TUBA3C: variants seen among roughly 807,000 people sequenced by gnomAD.
The protein encoded by TUBA3C is tubulin alpha 3c.
In TUBA3C, 23 loss-of-function variants were observed where a neutral mutation model predicts 33.4. The ratio of observed to expected loss-of-function variants is 0.69; its 90% CI spans 0.50 to 0.98. The LOEUF (loss-of-function observed/expected upper bound fraction) is 0.98, where lower values mean the gene tolerates loss of function less well. Among genes scored for constraint, TUBA3C ranks in the 50% least tolerant of loss-of-function variants. The probability of loss-of-function intolerance (pLI) is 0.00; values close to 1 mark genes in which losing one functional copy is unlikely to be tolerated. For missense variants in TUBA3C, 402 were observed against 616.0 expected (o/e 0.65, Z 3.68); for synonymous variants, 269 against 250.4 (o/e 1.07, Z -0.70).
rs1354838240 is a variant in TUBA3C at position 19,179,563 on chromosome 13, G to A, written c.4C>T (p.Arg2Cys). 3.7e-6 allele frequency: 6 copies of A among 1,613,520 alleles called. No homozygotes were observed. The highest frequency in any genetic ancestry group is 3.3e-5 in the Admixed American group (2 of 60,006). Reference sequence around the variant, plus strand: ...CCCACGTGGATAGAGATACACTCACGCTGTGAACCAGAACATAAATGTAGA... The same window carrying A: ...CCCACGTGGATAGAGATACACTCACACTGTGAACCAGAACATAAATGTAGA... MRECISIHVGQA... is the reference protein window; with the variant it reads MCECISIHVGQA... The change falls in exon 2 of 5, where the codon CGT (arginine) becomes TGT (cysteine). Residue 2 changes from arginine to cysteine, a missense_variant and splice_region_variant. By Grantham distance (180) the Arg-to-Cys change is radical. Coordinates refer to ENST00000400113, the MANE Select transcript of TUBA3C (RefSeq NM_006001.3).
chr13:19,179,949 G>A (rs1869344148), intron 1 of TUBA3C, among the ~76,000 whole-genome samples: 1 of 152,158 alleles, frequency 6.6e-6, no homozygotes, highest in South Asian at 2.1e-4. Flanking sequence ...GGTTGGGTAA[G>A]GAAATAGAGA....
At chr13:19,176,018 T>C (rs1338485972) in intron 4 of TUBA3C, among the ~76,000 whole-genome samples, 1 of 152,206 alleles carries the variant, frequency 6.6e-6, no homozygotes, top group Admixed American at 6.5e-5. Flanking sequence ...TGCTGGATTA[T>C]AGGCATGGGC....
chr13:19,181,808 T>C lies in TUBA3C; in HGVS notation c.-61A>G. 6.3e-7 allele frequency: 1 copy of C among 1,592,628 alleles called. No individual in the cohort carries two copies. On this transcript the variant is annotated 5_prime_UTR_variant, in exon 1 of 5. Transcript: ENST00000400113. Reference sequence around the variant, plus strand: ...ACTTGACCTCAACCGCCGCTGCAGCTGCGCACGCCCAACGACAGCCTCCCG... The same window carrying C: ...ACTTGACCTCAACCGCCGCTGCAGCCGCGCACGCCCAACGACAGCCTCCCG...
intron 1 of TUBA3C, among the ~76,000 whole-genome samples, chr13:19,181,279 G>A (rs1869406050): frequency 6.6e-6 from 1 of 152,002 alleles, no homozygotes; most frequent in Non-Finnish European, 1.5e-5. Context: ...AGGAGCCCCT[G>A]ACCTCAGGGG....
chr13:19,175,124 C>T (rs933170598), intron 4 of TUBA3C, among the ~76,000 whole-genome samples: 1 of 151,948 alleles, frequency 6.6e-6, no homozygotes, highest in Non-Finnish European at 1.5e-5. Context: ...TGGTGGCGGG[C>T]GCCTGTAGTC....
At chr13:19,178,436 T>C in intron 2 of TUBA3C, 42 bp from the exon 3 acceptor site, 2 of 1,608,208 alleles carry the variant, frequency 1.2e-6, no homozygotes, top group South Asian at 2.2e-5. Context: ...TTAAGGCCTA[T>C]ACTCACCAAG....
intron 1 of TUBA3C, among the ~76,000 whole-genome samples, chr13:19,179,786 C>T (rs569304977): frequency 9.9e-5 from 15 of 152,106 alleles, no homozygotes; most frequent in Non-Finnish European, 1.6e-4. Context: ...GCCCTAGAAC[C>T]TAATGTTTGC....
Position 19,181,823 on chromosome 13 carries a change from A to G in TUBA3C, c.-76T>C, listed in dbSNP as rs907299989. 22 of 1,580,342 alleles carry G rather than the reference A, an allele frequency of 1.4e-5. No homozygotes were observed. The East Asian group carries it at 4.7e-4, about 34-fold the overall frequency. The stretch of plus-strand genomic sequence containing the variant: ...CCGCTGCAGCTGCGCACGCCCAACG[A>G]CAGCCTCCCGCCGTGCGCTGTCTGG... On this transcript the variant is annotated 5_prime_UTR_variant, in exon 1 of 5. Coordinates refer to ENST00000400113, the MANE Select transcript of TUBA3C (RefSeq NM_006001.3).
chr13:19,174,130 C>CA lies in TUBA3C; in HGVS notation c.1085dup (p.Val363GlyfsTer32). ...CCTTGGCCAGGTCTCCCCCAGGGAC[C>CA]ACCGTGGGGGGCTGGTAGTTAATGC... On this transcript the variant is annotated frameshift_variant, in exon 5 of 5. Transcript: ENST00000400113. LOFTEE classifies it high-confidence loss of function. 1.2e-6 allele frequency: 2 copies of CA among 1,613,342 alleles called. No homozygotes were observed. Among genetic ancestry groups the CA allele is most frequent in the South Asian group, 2.2e-5 (2 of 91,008 alleles).
chr13:19,179,466 C>G lies in TUBA3C; in HGVS notation c.101G>C (p.Gly34Ala). The G allele has an allele frequency of 6.2e-7, 1 of 1,614,148 alleles. No individual in the cohort carries two copies. The highest frequency in any genetic ancestry group is 1.1e-5 in the South Asian group (1 of 91,064). Residue 34 changes from glycine to alanine, a missense_variant, in exon 2 of 5, where the codon GGT becomes GCT. Coordinates refer to ENST00000400113, the MANE Select transcript of TUBA3C (RefSeq NM_006001.3). ...AATGGTTTTATCACTTGGCATCTGACCATCGGGCTGAATTCCATGTTCCAG... is the reference window on the plus strand; with the variant it reads ...AATGGTTTTATCACTTGGCATCTGAGCATCGGGCTGAATTCCATGTTCCAG... ...YCLEHGIQPDGQMPSDKTIGG... is the reference protein window; with the variant it reads ...YCLEHGIQPDAQMPSDKTIGG...
At position 19,174,279 on chromosome 13, in the gene TUBA3C, C is replaced by T. The variant is rs1470062408; in HGVS notation, c.1057-120G>A. The stretch of plus-strand genomic sequence containing the variant: ...ACAGGAGAATTCTCAGTTCACCCCA[C>T]AAATGTCACTAAGCCCTTCTCTGTG... On this transcript the variant is annotated intron_variant, in intron 4 of 4. Coordinates refer to ENST00000400113, the MANE Select transcript of TUBA3C (RefSeq NM_006001.3). 25 of 1,368,542 alleles carry T rather than the reference C, an allele frequency of 1.8e-5. No individual in the cohort carries two copies. The South Asian group carries it at 2.4e-4, about 13-fold the overall frequency. 84.8% of individuals were successfully genotyped at this position (1,368,542 alleles called of 1,614,324 possible).
Position 19,177,665 on chromosome 13 carries a change from A to C in TUBA3C, c.376-58T>G. On this transcript the variant is annotated intron_variant, in intron 3 of 4. Transcript: ENST00000400113. This position sits in a 1 kb window ranked among gnomAD's most constrained non-coding sequence, Gnocchi z 5.0. Reference sequence around the variant, plus strand: ...CGTGGAAGCCACACCACCAACCTCCACCAAGCCAGGGCCACTTCTCTGCCT... The same window carrying C: ...CGTGGAAGCCACACCACCAACCTCCCCCAAGCCAGGGCCACTTCTCTGCCT... 6.6e-7 allele frequency: 1 copy of C among 1,521,320 alleles called. No individual in the cohort carries two copies. The highest frequency in any genetic ancestry group is 8.8e-7 in the Non-Finnish European group (1 of 1,136,876). 94.2% of individuals were successfully genotyped at this position (1,521,320 alleles called of 1,614,324 possible). A position where few individuals can be genotyped will look rare whatever the true frequency, so the allele number is the denominator to read the frequency against.
rs1869315884 is a variant in TUBA3C at position 19,179,359 on chromosome 13, G to A, written c.208C>T (p.Leu70=). The part of the protein sequence containing the change: ...KHVPRAVFVD[L]EPTVVDEVRT... ...CACCTACCGACCACAGTGGGCTCCA[G>A]GTCCACAAACACTGCTCTGGGCACG... is the stretch of plus-strand genomic sequence containing the variant. Residue 70 remains leucine, a synonymous_variant, in exon 2 of 5, where the codon CTG becomes TTG. Coordinates refer to ENST00000400113, the MANE Select transcript of TUBA3C (RefSeq NM_006001.3). 1.2e-6 allele frequency: 2 copies of A among 1,613,868 alleles called. No individual in the cohort carries two copies. Among genetic ancestry groups the A allele is most frequent in the Admixed American group, 1.7e-5 (1 of 59,998 alleles).
intron 4 of TUBA3C, 93 bp from the exon 5 acceptor site, chr13:19,174,252 G>C: frequency 6.8e-7 from 1 of 1,473,488 alleles, no homozygotes; most frequent in South Asian, 1.4e-5. Flanking sequence ...CCCTGTAGGT[G>C]AACAGGAGAA....
chr13:19,175,752 T>G (rs1304794043), intron 4 of TUBA3C, among the ~76,000 whole-genome samples: 3 of 152,204 alleles, frequency 2.0e-5, no homozygotes, highest in Non-Finnish European at 4.4e-5. Flanking sequence ...TTGTCTTTTT[T>G]TCTTTTTTTG....
At chr13:19,175,297 A>T (rs984393994) in intron 4 of TUBA3C, among the ~76,000 whole-genome samples, 1 of 152,168 alleles carries the variant, frequency 6.6e-6, no homozygotes, top group African/African-American at 2.4e-5. Context: ...CAACGTCTTT[A>T]TTTCTTTTCC....
chr13:19,174,253 A>T, intron 4 of TUBA3C, 94 bp from the exon 5 acceptor site: 1 of 1,475,966 alleles, frequency 6.8e-7, no homozygotes, highest in Non-Finnish European at 9.0e-7. Flanking sequence ...CCTGTAGGTG[A>T]ACAGGAGAAT....
chr13:19,178,125 C>T (rs9507571), intron 3 of TUBA3C, 121 bp downstream of exon 3: 80,238 of 1,470,550 alleles, frequency 0.055, 2,565 homozygotes, highest in Middle Eastern at 0.071. Context: ...GGATTACAGG[C>T]GTGAGCCACC....
Position 19,177,135 on chromosome 13 carries a change from T to A in TUBA3C, c.848A>T (p.His283Leu). Residue 283 changes from histidine to leucine, a missense_variant, in exon 4 of 5, where the codon CAC (histidine) becomes CTC (leucine). Coordinates refer to ENST00000400113, the MANE Select transcript of TUBA3C (RefSeq NM_006001.3). This position sits in a 1 kb window ranked among gnomAD's most constrained non-coding sequence, Gnocchi z 5.0. ...APVISAEKAY[H>L]EQLSVAEITN... ...GATCTCAGCCACGGACAGCTGCTCG[T>A]GGTAGGCCTTCTCGGCTGAGATGAC... 3 of 1,613,950 alleles carry A rather than the reference T, an allele frequency of 1.9e-6. No individual in the cohort carries two copies. The highest frequency in any genetic ancestry group is 2.5e-6 in the Non-Finnish European group (3 of 1,180,016).
Sources: allele counts gnomAD v4.1 joint callset (sites outside exome capture counted in the v4.1 genomes callset), GRCh38; gene constraint gnomAD v4.1.1; non-coding constraint Gnocchi (gnomAD v3.1); transcripts MANE v1.5; gene names NCBI Gene and HGNC (gene_info 2026-07-23, HGNC 2026-07-21).